The following ZNF469 variants were observed in gnomAD, a reference collection of about 807,000 sequenced individuals.
ZNF469 encodes the protein zinc finger protein 469.
Under a neutral mutation model 1.0 loss-of-function variants are expected in ZNF469, and 1 was observed. The observed-to-expected ratio is 1.00, with a 90% CI of 0.35 to 4.73. The LOEUF is 4.73. Ranked by LOEUF, ZNF469 falls within the 30% of genes most tolerant of loss-of-function variation. The probability of loss-of-function intolerance (pLI) is 0.16; values close to 1 mark genes in which losing one functional copy is unlikely to be tolerated. For synonymous variants in ZNF469, 2,703 were observed against 2,363.4 expected, an observed-to-expected ratio of 1.14 and a Z score of -4.17; for missense variants, 6,100 against 5,356.3, an observed-to-expected ratio of 1.14 and a Z score of -4.33.
At chr16:88,227,263 C>A in the ZNF469 span, among the ~76,000 whole-genome samples, 10 of 152,320 alleles carry the variant, frequency 6.6e-5, no homozygotes, top group Middle Eastern at 3.4e-3. Context: ...ACTGTCTCCC[C>A]AGGGCCGGGA....
the ZNF469 span, chr16:88,191,452 C>T: frequency 0.31 from 46,620 of 152,164 alleles, 7,308 homozygotes; most frequent in East Asian, 0.44. Context: ...CCGCACTGGG[C>T]TGGGGCAGAG....
At chr16:88,131,164 C>G in the ZNF469 span, among the ~76,000 whole-genome samples, 2 of 152,198 alleles carry the variant, frequency 1.3e-5, no homozygotes, top group African/African-American at 4.8e-5. Flanking sequence ...AACAAACGTG[C>G]GGCAGAACCG....
chr16:88,293,143 T>C, the ZNF469 span, among the ~76,000 whole-genome samples: 2 of 151,546 alleles, frequency 1.3e-5, no homozygotes, highest in Non-Finnish European at 2.9e-5. Context: ...GATAGACTGA[T>C]GGATGGATCA....
chr16:88,252,772 G>A, the ZNF469 span, among the ~76,000 whole-genome samples: 1 of 152,078 alleles, frequency 6.6e-6, no homozygotes, highest in Non-Finnish European at 1.5e-5. Flanking sequence ...GATGAGTTTT[G>A]ACAAATGTAT....
the ZNF469 span, among the ~76,000 whole-genome samples, chr16:88,304,224 G>A: frequency 1.3e-5 from 2 of 152,178 alleles, no homozygotes; most frequent in African/African-American, 4.8e-5. Flanking sequence ...ATCTTATCTG[G>A]GAGGTCACGG....
chr16:88,177,374 A>C, the ZNF469 span: 1 of 151,916 alleles, frequency 6.6e-6, no homozygotes, highest in Non-Finnish European at 1.5e-5. The surrounding 1 kb of genome is among the most constrained non-coding windows in gnomAD (Gnocchi z 4.8). Flanking sequence ...CCTCTTCCCC[A>C]CCCTGCTCCC....
the ZNF469 span, among the ~76,000 whole-genome samples, chr16:88,136,007 C>T: frequency 2.0e-5 from 3 of 152,068 alleles, no homozygotes; most frequent in African/African-American, 7.2e-5. Flanking sequence ...GATCCACCCA[C>T]CTTCGCCTCC....
chr16:88,429,438 C>T lies in ZNF469; in HGVS notation c.1968C>T (p.Ser656=). 6.5e-7 allele frequency: 1 copy of T among 1,545,272 alleles called. No homozygotes were observed. ...SPFPSPEPPH[S]LPTHYQPEPA... ...TCCCGTCCCCGGAGCCCCCCCACTC[C>T]CTCCCCACCCACTACCAGCCAGAGC... Residue 656 remains serine, a synonymous_variant, in exon 3 of 3, where the codon TCC becomes TCT. Coordinates refer to ENST00000565624, the MANE Select transcript of ZNF469 (RefSeq NM_001367624.2).
At chr16:88,305,589 C>T in the ZNF469 span, among the ~76,000 whole-genome samples, 743 of 150,294 alleles carry the variant, frequency 4.9e-3, 4 homozygotes, top group African/African-American at 0.016. Flanking sequence ...CAGGCACACA[C>T]GCACACCCTC....
intron 1 of ZNF469, among the ~76,000 whole-genome samples, chr16:88,416,800 C>CTCCACCCTCCCTCCACCCT (rs1342381219): frequency 1.1e-4 from 17 of 152,300 alleles, no homozygotes; most frequent in African/African-American, 3.4e-4. Flanking sequence ...CTCCACGGGA[C>CTCCACCCTCCCTCCACCCT]CCAGCCTGCA....
chr16:88,121,132 C>T, the ZNF469 span, among the ~76,000 whole-genome samples: 2 of 103,502 alleles, frequency 1.9e-5, no homozygotes, highest in East Asian at 3.1e-4. Flanking sequence ...GGGAGGGGGG[C>T]GCTGCATGAG....
the ZNF469 span, among the ~76,000 whole-genome samples, chr16:88,358,133 G>A: frequency 1.3e-5 from 2 of 152,210 alleles, no homozygotes; most frequent in Non-Finnish European, 2.9e-5. Flanking sequence ...CCTCCCCCAG[G>A]CCCCCAGCCG....
At position 88,431,953 on chromosome 16, in the gene ZNF469, G is replaced by A. The variant is rs1156529740; in HGVS notation, c.4483G>A (p.Asp1495Asn). 6.5e-7 allele frequency: 1 copy of A among 1,549,322 alleles called. No homozygotes were observed. The highest frequency in any genetic ancestry group is 8.7e-7 in the Non-Finnish European group (1 of 1,146,992). ...CCCTCCCCAGAAGACGGTGCCGTCA[G>A]ATCCACCGTACCCCTCTTTTTTGCT... Reference protein sequence around the residue: ...ADPPQKTVPSDPPYPSFLLLE... With the variant: ...ADPPQKTVPSNPPYPSFLLLE... The change falls in exon 3 of 3, where the codon GAT (aspartate) becomes AAT (asparagine). Residue 1495 changes from aspartate (D) to asparagine (N), a missense_variant. Transcript: ENST00000565624.
chr16:88,113,097 A>C, the ZNF469 span, among the ~76,000 whole-genome samples: 12 of 152,146 alleles, frequency 7.9e-5, no homozygotes, highest in African/African-American at 2.9e-4. Context: ...GAAGCTTTTT[A>C]GCTCGAGGTG....
the ZNF469 span, among the ~76,000 whole-genome samples, chr16:88,284,305 G>C: frequency 4.6e-5 from 7 of 152,206 alleles, no homozygotes; most frequent in Non-Finnish European, 5.9e-5. Context: ...TGGACGCCAG[G>C]CTGGGCACAA....
chr16:88,336,451 T>G, the ZNF469 span, among the ~76,000 whole-genome samples: 228 of 151,056 alleles, frequency 1.5e-3, 1 homozygote, highest in African/African-American at 5.4e-3. Context: ...ATCCTTCACG[T>G]GAGACACTAA....
the ZNF469 span, among the ~76,000 whole-genome samples, chr16:88,154,228 G>A: frequency 2.0e-5 from 3 of 152,210 alleles, no homozygotes; most frequent in South Asian, 6.2e-4. Flanking sequence ...CGTGATCTCG[G>A]CTTACTGCAA....
chr16:88,378,496 A>C (rs1361848687), upstream of ZNF469, among the ~76,000 whole-genome samples: 1 of 152,170 alleles, frequency 6.6e-6, no homozygotes, highest in Non-Finnish European at 1.5e-5. Flanking sequence ...TGCTGCACCC[A>C]GGAGCCGTCC....
At chr16:88,387,493 G>A (rs541865545) in intron 1 of ZNF469, among the ~76,000 whole-genome samples, 2 of 152,294 alleles carry the variant, frequency 1.3e-5, no homozygotes, top group East Asian at 3.9e-4. Context: ...TCCCGAGTCC[G>A]GAGGACCAGA....
Sources: gnomAD v4.1 joint callset for allele counts (sites outside exome capture counted in the v4.1 genomes callset) on GRCh38, gnomAD v4.1.1 for gene constraint, Gnocchi (gnomAD v3.1) non-coding constraint, MANE v1.5 for transcripts, NCBI Gene and HGNC (gene_info 2026-07-23, HGNC 2026-07-21) for gene names.